The following MEX3C variants were observed in gnomAD, a reference collection of about 807,000 sequenced individuals.
MEX3C encodes RNA-binding E3 ubiquitin-protein ligase MEX3C.
A neutral mutation model predicts 35.5 loss-of-function variants in MEX3C; 15 were observed. The ratio of observed to expected loss-of-function variants is 0.42; its 90% CI spans 0.28 to 0.65. The LOEUF (loss-of-function observed/expected upper bound fraction) is 0.65, where lower values mean the gene tolerates loss of function less well. Ranked by LOEUF, MEX3C falls within the 30% of genes least tolerant of loss-of-function variation. The pLI is 0.20. For missense variants in MEX3C, 711 were observed against 842.8 expected (o/e 0.84, Z 1.94); for synonymous variants, 390 against 352.8 (o/e 1.11, Z -1.18).
chr18:51,196,918 C>G lies in MEX3C; in HGVS notation c.403G>C (p.Glu135Gln), dbSNP rs1035288417. The change falls in exon 1 of 2, where the codon GAG becomes CAG. Residue 135 changes from glutamate (E) to glutamine (Q), a missense_variant. Around this residue, in one of 4 missense-constraint regions of MEX3C, gnomAD observed 354 missense variants for 311.6 expected, o/e 1.14. Transcript: ENST00000406189. Reference protein sequence around the residue: ...LEEEELEEAEEEDRSSLLLLS... With the variant: ...LEEEELEEAEQEDRSSLLLLS... The stretch of plus-strand genomic sequence containing the variant: ...AGCAGCAGCGACGACCGGTCCTCCT[C>G]CTCTGCTTCCTCCAGCTCCTCCTCC... 1.3e-6 allele frequency: 2 copies of G among 1,543,982 alleles called. No individual in the cohort carries two copies. The highest frequency in any genetic ancestry group is 2.0e-5 in the Admixed American group (1 of 50,892).
chr18:51,188,383 C>CT (rs1395715486), intron 1 of MEX3C, among the ~76,000 whole-genome samples: 4 of 152,082 alleles, frequency 2.6e-5, no homozygotes, highest in African/African-American at 9.7e-5. Flanking sequence ...GGGTGGACTG[C>CT]TTGAGCTCAG....
chr18:51,197,185 G>C lies in MEX3C; in HGVS notation c.136C>G (p.Leu46Val), dbSNP rs1315080245. Residue 46 changes from leucine to valine, a missense_variant, in exon 1 of 2, where the codon CTC becomes GTC. Around this residue, in one of 4 missense-constraint regions of MEX3C, gnomAD observed 354 missense variants for 311.6 expected, o/e 1.14. Coordinates refer to ENST00000406189, the MANE Select transcript of MEX3C (RefSeq NM_016626.5). ...SGGPELEGDG[L>V]LLRERLAALG... Reference sequence around the variant, plus strand: ...GCGGCCAAGCGCTCCCTCAGCAGGAGCCCGTCCCCCTCGAGCTCCGGGCCG... The same window carrying C: ...GCGGCCAAGCGCTCCCTCAGCAGGACCCCGTCCCCCTCGAGCTCCGGGCCG... 1 of 1,032,346 alleles carries C rather than the reference G, an allele frequency of 9.7e-7. No individual in the cohort carries two copies. The highest frequency in any genetic ancestry group is 5.7e-5 in the Admixed American group (1 of 17,434). The allele number at this position is 1,032,346 out of a possible 1,614,324, so 63.9% of individuals were successfully genotyped here.
chr18:51,197,008 CG>C lies in MEX3C; in HGVS notation c.312del (p.Glu105SerfsTer92), dbSNP rs1912821326. ...PPGRPGAPEA[A>X]ELELEEDEEE... is the part of the protein sequence containing the mutation. ...TCCTCGTCCTCTTCCAGCTCCAGCTCGGCCGCCTCCGGGGCCCCGGGCCGGC... is the reference window on the plus strand; with the variant it reads ...TCCTCGTCCTCTTCCAGCTCCAGCTCGCCGCCTCCGGGGCCCCGGGCCGGC... On this transcript the variant is annotated frameshift_variant, in exon 1 of 2. Coordinates refer to ENST00000406189, the MANE Select transcript of MEX3C (RefSeq NM_016626.5). LOFTEE classifies it high-confidence loss of function. The C allele has an allele frequency of 6.6e-7, 1 of 1,526,594 alleles. No individual in the cohort carries two copies. Among genetic ancestry groups the C allele is most frequent in the Non-Finnish European group, 8.8e-7 (1 of 1,141,040 alleles). 94.6% of individuals were successfully genotyped at this position (1,526,594 alleles called of 1,614,324 possible). A position where few individuals can be genotyped will look rare whatever the true frequency, so the allele number is the denominator to read the frequency against.
chr18:51,197,511 G>A lies in MEX3C; in HGVS notation c.-191C>T, dbSNP rs899826867. 1.4e-5 allele frequency among the ~76,000 whole-genome samples: 2 copies of A among 146,022 alleles called. No individual in the cohort carries two copies. The highest frequency in any genetic ancestry group is 3.5e-3 in the Middle Eastern group (1 of 288). On this transcript the variant is annotated 5_prime_UTR_variant, in exon 1 of 2. Coordinates refer to ENST00000406189, the MANE Select transcript of MEX3C (RefSeq NM_016626.5). ...AGACCGGAGAGGGCGGGGTGGAGGG[G>A]CAGGGGAAGGAGGCAGAGGTAGGTA...
At chr18:51,183,148 T>G (rs1368993053) in intron 1 of MEX3C, among the ~76,000 whole-genome samples, 1 of 152,222 alleles carries the variant, frequency 6.6e-6, no homozygotes, top group African/African-American at 2.4e-5. Flanking sequence ...TAAAGTAGCT[T>G]GTGGAGGCCA....
chr18:51,197,104 G>T lies in MEX3C; in HGVS notation c.217C>A (p.Pro73Thr). Residue 73 changes from proline (P) to threonine (T), a missense_variant, in exon 1 of 2, where the codon CCG becomes ACG. Physicochemically the swap from Pro to Thr is conservative, Grantham distance 38. Coordinates refer to ENST00000406189, the MANE Select transcript of MEX3C (RefSeq NM_016626.5). ...GCCTGGCCCTGCGCCGCCGCTGCCG[G>T]GGCCCGAAGCGCCGGGGCGCCGGGC... The part of the protein sequence containing the change: ...AEPGAPALRA[P>T]AAAAQGQARR... 1 of 1,175,348 alleles carries T rather than the reference G, an allele frequency of 8.5e-7. No homozygotes were observed. The highest frequency in any genetic ancestry group is 1.0e-6 in the Non-Finnish European group (1 of 954,368). 72.8% of individuals were successfully genotyped at this position (1,175,348 alleles called of 1,614,324 possible).
At position 51,196,850 on chromosome 18, in the gene MEX3C, G is replaced by A. The variant is rs1912809512; in HGVS notation, c.471C>T (p.Ile157=). The A allele has an allele frequency of 6.5e-7, 1 of 1,538,148 alleles. No individual in the cohort carries two copies. The highest frequency in any genetic ancestry group is 8.7e-7 in the Non-Finnish European group (1 of 1,145,468). ...GCACAGACCCCAGGGACCCGCCCGG[G>A]ATCTGCTGGGTCTGAGAGGCGGTGG... ...PAATASQTQQ[I]PGGSLGSVLL... is the part of the protein sequence containing the mutation. Residue 157 remains isoleucine (I), a synonymous_variant, in exon 1 of 2, where the codon ATC becomes ATT. Transcript: ENST00000406189.
At position 51,175,493 on chromosome 18, in the gene MEX3C, T is replaced by C. The variant is rs1012907057; in HGVS notation, c.*858A>G. 2 of 152,644 alleles carry C rather than the reference T, an allele frequency of 1.3e-5. No homozygotes were observed. The highest frequency in any genetic ancestry group is 2.9e-5 in the Non-Finnish European group (2 of 68,040). The allele number at this position is 152,644 out of a possible 1,614,324, so 9.5% of individuals were successfully genotyped here. On this transcript the variant is annotated 3_prime_UTR_variant, in exon 2 of 2. Transcript: ENST00000406189. ...ATATTTATAATGTGCAAGACAAATA[T>C]GGATTGAACATAAAATGTTTCACAT... is the stretch of plus-strand genomic sequence containing the variant.
intron 1 of MEX3C, chr18:51,194,807 C>G (rs886738915): frequency 1.2e-4 from 19 of 152,278 alleles, no homozygotes; most frequent in Admixed American, 9.8e-4. Flanking sequence ...CCACCACTCC[C>G]CTTTACAGAC....
chr18:51,177,975 C>T lies in MEX3C; in HGVS notation c.755-399G>A, dbSNP rs962072761. Among the ~76,000 whole-genome samples, 1 of 152,052 alleles carries T rather than the reference C, an allele frequency of 6.6e-6. No homozygotes were observed. The highest frequency in any genetic ancestry group is 1.5e-5 in the Non-Finnish European group (1 of 68,006). ...TGCTATGATTCAGTTTTGTTTATTC[C>T]CATGTTGTTTGTGGTAGGTGTACTC... is the stretch of plus-strand genomic sequence containing the variant. On this transcript the variant is annotated intron_variant, in intron 1 of 1. Transcript: ENST00000406189. The surrounding 1 kb of genome is among the most constrained non-coding windows in gnomAD (Gnocchi z 4.2).
rs778901481 is a variant in MEX3C at position 51,176,330 on chromosome 18, T to C, written c.*21A>G. On this transcript the variant is annotated 3_prime_UTR_variant, in exon 2 of 2. Coordinates refer to ENST00000406189, the MANE Select transcript of MEX3C (RefSeq NM_016626.5). ...TTTACGAGTCCATATAGAGATATAGTATTTATGTATATATATATAGTTAAG... is the reference window on the plus strand; with the variant it reads ...TTTACGAGTCCATATAGAGATATAGCATTTATGTATATATATATAGTTAAG... 1 of 1,575,908 alleles carries C rather than the reference T, an allele frequency of 6.3e-7. No homozygotes were observed. Among genetic ancestry groups the C allele is most frequent in the Admixed American group, 1.8e-5 (1 of 56,028 alleles).
chr18:51,194,302 T>C (rs1599258156), intron 1 of MEX3C: 1 of 152,340 alleles, frequency 6.6e-6, no homozygotes, highest in Non-Finnish European at 1.5e-5. Context: ...GATGATGACA[T>C]ACTTTTAACA....
In MEX3C at chr18:51,175,224, T is replaced by C. The variant is rs1912272929; in HGVS notation, c.*1127A>G. 1.3e-5 allele frequency: 2 copies of C among 152,586 alleles called. No homozygotes were observed. Among genetic ancestry groups the C allele is most frequent in the Admixed American group, 6.6e-5 (1 of 15,262 alleles). 9.5% of individuals were successfully genotyped at this position (152,586 alleles called of 1,614,324 possible). On this transcript the variant is annotated 3_prime_UTR_variant, in exon 2 of 2. Transcript: ENST00000406189. ...AAAAATAATTAGTAGAAAAACCCAC[T>C]AGTATAATGTTTTGTCCTTTCAATG...
chr18:51,184,824 A>G (rs1912502424), intron 1 of MEX3C, among the ~76,000 whole-genome samples: 1 of 152,098 alleles, frequency 6.6e-6, no homozygotes, highest in African/African-American at 2.4e-5. Flanking sequence ...GTGCCACTGC[A>G]TTCAAGCCTG....
intron 1 of MEX3C, among the ~76,000 whole-genome samples, chr18:51,179,044 C>T (rs1414034729): frequency 6.6e-6 from 1 of 150,586 alleles, no homozygotes; most frequent in Non-Finnish European, 1.5e-5. Flanking sequence ...CGCTCTGTCA[C>T]CCAGGCTGGA....
Position 51,176,642 on chromosome 18 carries a change from G to A in MEX3C, c.1689C>T (p.Asp563=), listed in dbSNP as rs1354500058. ...CAACATGGTTGCCTGTACTAGGTGG[G>A]TCGCTCCTAACCCTCCGAGCAAGTG... ...EHPLARRVRS[D]PPSTGNHVGL... The change falls in exon 2 of 2, where the codon GAC becomes GAT. Residue 563 remains aspartate (D), a synonymous_variant. Coordinates refer to ENST00000406189, the MANE Select transcript of MEX3C (RefSeq NM_016626.5). The A allele has an allele frequency of 6.2e-7, 1 of 1,613,898 alleles. No individual in the cohort carries two copies. Among genetic ancestry groups the A allele is most frequent in the East Asian group, 2.2e-5 (1 of 44,884 alleles).
At chr18:51,195,995 G>C (rs1401939867) in intron 1 of MEX3C, 1 of 153,704 alleles carries the variant, frequency 6.5e-6, no homozygotes, top group Non-Finnish European at 1.4e-5. Context: ...AGGCGGCAGT[G>C]AGTTGGGCTG....
Position 51,176,303 on chromosome 18 carries a change from C to T in MEX3C, c.*48G>A. On this transcript the variant is annotated 3_prime_UTR_variant, in exon 2 of 2. Transcript: ENST00000406189. Reference sequence around the variant, plus strand: ...ACTGGGGGGTACCATTATACCCATGCCTTTACGAGTCCATATAGAGATATA... The same window carrying T: ...ACTGGGGGGTACCATTATACCCATGTCTTTACGAGTCCATATAGAGATATA... 1 of 1,485,042 alleles carries T rather than the reference C, an allele frequency of 6.7e-7. No individual in the cohort carries two copies. Among genetic ancestry groups the T allele is most frequent in the Admixed American group, 2.0e-5 (1 of 48,906 alleles). The allele number at this position is 1,485,042 out of a possible 1,614,324, so 92.0% of individuals were successfully genotyped here.
chr18:51,196,489 G>A, intron 1 of MEX3C, 78 bp downstream of exon 1: 2 of 1,499,948 alleles, frequency 1.3e-6, no homozygotes, highest in South Asian at 1.3e-5. Context: ...CGCCTTTTCC[G>A]TCCCACGCTC....
Sources: allele counts gnomAD v4.1 joint callset (sites outside exome capture counted in the v4.1 genomes callset), GRCh38; gene constraint gnomAD v4.1.1; regional missense constraint gnomAD v4.1.1; non-coding constraint Gnocchi (gnomAD v3.1); transcripts MANE v1.5; gene names NCBI Gene and HGNC (gene_info 2026-07-23, HGNC 2026-07-21).